HS3ST4: variants seen among roughly 807,000 people sequenced by gnomAD.
HS3ST4 encodes the protein heparan sulfate-glucosamine 3-sulfotransferase 4.
HS3ST4 carries 17 observed loss-of-function variants against 29.2 expected under a neutral mutation model. That is an observed-to-expected ratio of 0.58 (90% CI 0.40 to 0.87). HS3ST4 has a LOEUF of 0.87. Among genes scored for constraint, HS3ST4 ranks in the 40% least tolerant of loss-of-function variants. HS3ST4 has a pLI of 0.00. For synonymous variants in HS3ST4, 314 were observed against 285.7 expected (o/e 1.10, Z -1.00); for missense variants, 627 against 634.5 (o/e 0.99, Z 0.13).
chr16:26,115,689 C>T (rs965058114), intron 1 of HS3ST4, among the ~76,000 whole-genome samples: 1 of 152,044 alleles, frequency 6.6e-6, no homozygotes. Flanking sequence ...GGAGAAGGAG[C>T]CTGTGCCTCA....
intron 1 of HS3ST4, among the ~76,000 whole-genome samples, chr16:26,114,960 A>T (rs1899181804): frequency 6.6e-6 from 1 of 152,132 alleles, no homozygotes; most frequent in South Asian, 2.1e-4. Context: ...ATAATGGAAA[A>T]TCGGAAACTA....
intron 1 of HS3ST4, among the ~76,000 whole-genome samples, chr16:25,999,824 A>T (rs1489822874): frequency 1.6e-5 from 2 of 128,224 alleles, no homozygotes; most frequent in African/African-American, 2.9e-5. Flanking sequence ...TTATATATAT[A>T]TTTATATATT....
intron 1 of HS3ST4, among the ~76,000 whole-genome samples, chr16:26,069,798 C>T (rs1377820693): frequency 6.7e-6 from 1 of 148,396 alleles, no homozygotes; most frequent in Non-Finnish European, 1.5e-5. Context: ...TGAGTGAGAA[C>T]ATGCAGTGTT....
At chr16:25,976,215 A>G (rs73521546) in intron 1 of HS3ST4, among the ~76,000 whole-genome samples, 23,029 of 152,180 alleles carry the variant, frequency 0.15, 1,815 homozygotes, top group East Asian at 0.26. Flanking sequence ...CTTTTATTAC[A>G]AGTGTCTCAT....
chr16:25,923,339 A>G (rs967852043), intron 1 of HS3ST4, among the ~76,000 whole-genome samples: 1 of 152,210 alleles, frequency 6.6e-6, no homozygotes, highest in Non-Finnish European at 1.5e-5. Flanking sequence ...GCCCTCAGCC[A>G]AGATTGCCTT....
At chr16:26,078,531 G>C (rs1898692282) in intron 1 of HS3ST4, among the ~76,000 whole-genome samples, 8 of 152,184 alleles carry the variant, frequency 5.3e-5, no homozygotes, top group Admixed American at 3.9e-4. Context: ...GGCAGCAGCA[G>C]GTTTTGTGTG....
At chr16:25,745,819 G>A (rs555501880) in intron 1 of HS3ST4, among the ~76,000 whole-genome samples, 1 of 152,186 alleles carries the variant, frequency 6.6e-6, no homozygotes, top group Non-Finnish European at 1.5e-5. Flanking sequence ...TACATGTTTT[G>A]GATAAAAATA....
rs542098258 is a variant in HS3ST4 at position 26,038,618 on chromosome 16, G to A, written c.735-96994G>A. Among the ~76,000 whole-genome samples the A allele has an allele frequency of 4.6e-5, 7 of 151,892 alleles. No homozygotes were observed. In the East Asian group the frequency reaches 5.8e-4, roughly 13 times the overall value. ...CCTCTCTACCTAGGATGACAGCATCGCATCCACTTCTCCAATGGTTCTATT... is the reference window on the plus strand; with the variant it reads ...CCTCTCTACCTAGGATGACAGCATCACATCCACTTCTCCAATGGTTCTATT... On this transcript the variant is annotated intron_variant, in intron 1 of 1. Coordinates refer to ENST00000331351, the MANE Select transcript of HS3ST4 (RefSeq NM_006040.3).
At chr16:26,119,595 G>A (rs1292576073) in intron 1 of HS3ST4, among the ~76,000 whole-genome samples, 3 of 152,158 alleles carry the variant, frequency 2.0e-5, no homozygotes, top group South Asian at 2.1e-4. Flanking sequence ...CTGCAATGTG[G>A]TGTGTTAGGA....
At chr16:26,013,922 C>G (rs1969337913) in intron 1 of HS3ST4, among the ~76,000 whole-genome samples, 1 of 152,012 alleles carries the variant, frequency 6.6e-6, no homozygotes, top group South Asian at 2.1e-4. Context: ...GCAGGAGAAT[C>G]TTTTGAACCT....
At chr16:26,076,854 G>A (rs1898670189) in intron 1 of HS3ST4, among the ~76,000 whole-genome samples, 1 of 152,122 alleles carries the variant, frequency 6.6e-6, no homozygotes, top group Admixed American at 6.5e-5. Flanking sequence ...CAGCCACACT[G>A]GCCACTTTGT....
intron 1 of HS3ST4, among the ~76,000 whole-genome samples, chr16:26,071,170 C>A (rs942326653): frequency 6.6e-6 from 1 of 152,182 alleles, no homozygotes; most frequent in Non-Finnish European, 1.5e-5. Context: ...ACGAGCTCCA[C>A]AAACCCTGGA....
intron 1 of HS3ST4, among the ~76,000 whole-genome samples, chr16:26,038,287 A>C (rs1286150795): frequency 2.6e-5 from 4 of 151,872 alleles, no homozygotes; most frequent in African/African-American, 9.7e-5. Context: ...AAAAGGGAGA[A>C]CTCTATTCCC....
intron 1 of HS3ST4, among the ~76,000 whole-genome samples, chr16:26,112,807 G>A (rs934364539): frequency 2.6e-5 from 4 of 152,112 alleles, no homozygotes; most frequent in African/African-American, 4.8e-5. Context: ...TCAAATTAAA[G>A]CAATAGCACA....
chr16:25,692,417 G>C lies in HS3ST4; in HGVS notation c.-1G>C. The C allele has an allele frequency of 2.0e-6, 2 of 995,816 alleles. No individual in the cohort carries two copies. The highest frequency in any genetic ancestry group is 2.5e-6 in the Non-Finnish European group (2 of 808,068). The allele number at this position is 995,816 out of a possible 1,614,324, so 61.7% of individuals were successfully genotyped here. A position where few individuals can be genotyped will look rare whatever the true frequency, so the allele number is the denominator to read the frequency against. On this transcript the variant is annotated 5_prime_UTR_variant, in exon 1 of 2. Transcript: ENST00000331351. Reference sequence around the variant, plus strand: ...GCCGCCGCCGCGAGCCGGGAGCCGCGATGGCCCGGTGGCCCGCACCTCCTC... The same window carrying C: ...GCCGCCGCCGCGAGCCGGGAGCCGCCATGGCCCGGTGGCCCGCACCTCCTC...
At chr16:25,816,807 C>G (rs1967096545) in intron 1 of HS3ST4, among the ~76,000 whole-genome samples, 1 of 152,092 alleles carries the variant, frequency 6.6e-6, no homozygotes, top group Non-Finnish European at 1.5e-5. Context: ...TGGGTTCTCT[C>G]CCCAGAGTCC....
intron 1 of HS3ST4, among the ~76,000 whole-genome samples, chr16:26,041,505 A>G (rs1969635907): frequency 6.6e-6 from 1 of 152,180 alleles, no homozygotes; most frequent in South Asian, 2.1e-4. Flanking sequence ...CAAACAAAAC[A>G]AAACCCTGAA....
At chr16:25,998,854 GT>G (rs1462688579) in intron 1 of HS3ST4, among the ~76,000 whole-genome samples, 4 of 152,132 alleles carry the variant, frequency 2.6e-5, no homozygotes, top group Non-Finnish European at 4.4e-5. Flanking sequence ...GTCCATATAA[GT>G]TTTTAATATT....
intron 1 of HS3ST4, among the ~76,000 whole-genome samples, chr16:25,886,007 G>T (rs946443488): frequency 1.3e-5 from 2 of 149,590 alleles, no homozygotes; most frequent in African/African-American, 4.9e-5. Flanking sequence ...AATTGAAATG[G>T]GAGTACTTTT....
Sources: gnomAD v4.1 joint callset for allele counts (sites outside exome capture counted in the v4.1 genomes callset) on GRCh38, gnomAD v4.1.1 for gene constraint, MANE v1.5 for transcripts, NCBI Gene and HGNC (gene_info 2026-07-23, HGNC 2026-07-21) for gene names.